The following WFS1 variants were observed in gnomAD, a reference collection of about 807,000 sequenced individuals.
WFS1 encodes wolframin ER transmembrane glycoprotein, also known as wolframin.
WFS1 carries 90 observed loss-of-function variants against 68.5 expected under a neutral mutation model. That is an observed-to-expected ratio of 1.31 (90% CI 1.11 to 1.56). The LOEUF is 1.56. Ranked by LOEUF, WFS1 falls within the 40% of genes most tolerant of loss-of-function variation. WFS1 has a pLI of 0.00. For missense variants in WFS1, 1,767 were observed against 1,232.6 expected (o/e 1.43, Z -6.49); for synonymous variants, 860 against 540.7 (o/e 1.59, Z -8.19).
chr4:6,270,303 G>A (rs937112178), intron 1 of WFS1, among the ~76,000 whole-genome samples: 6 of 151,576 alleles, frequency 4.0e-5, no homozygotes. Context: ...CGGGACAGCA[G>A]GCCCGAGAGG....
Position 6,302,264 on chromosome 4 carries a change from C to G in WFS1, c.2469C>G (p.Ile823Met), listed in dbSNP as rs1801215. The G allele has an allele frequency of 1.9e-6, 3 of 1,604,770 alleles. No homozygotes were observed. The highest frequency in any genetic ancestry group is 1.1e-5 in the South Asian group (1 of 90,800). The change falls in exon 8 of 8, where the codon ATC becomes ATG. Residue 823 changes from isoleucine (I) to methionine (M), a missense_variant. Physicochemically the swap from Ile to Met is conservative, Grantham distance 10. Transcript: ENST00000226760. ...TCAGCCTGCGCCAGGGCAGCCTCATCGAGTTCAGCACCATCCTGGAGGGCC... is the reference window on the plus strand; with the variant it reads ...TCAGCCTGCGCCAGGGCAGCCTCATGGAGTTCAGCACCATCCTGGAGGGCC... ...VLLSLRQGSL[I>M]EFSTILEGRL... is the part of the protein sequence containing the mutation.
chr4:6,301,475 C>G lies in WFS1; in HGVS notation c.1680C>G (p.Ser560=), dbSNP rs760906868. The G allele has an allele frequency of 3.1e-6, 5 of 1,613,016 alleles. No homozygotes were observed. The highest frequency in any genetic ancestry group is 4.2e-6 in the Non-Finnish European group (5 of 1,180,040). ...ESTGLGLLRA[S]IGYFLFLFAL... Reference sequence around the variant, plus strand: ...CCGGCCTGGGGCTGCTCCGCGCCTCCATCGGCTACTTCCTCTTCCTCTTTG... The same window carrying G: ...CCGGCCTGGGGCTGCTCCGCGCCTCGATCGGCTACTTCCTCTTCCTCTTTG... Residue 560 remains serine (S), a synonymous_variant, in exon 8 of 8, where the codon TCC becomes TCG. Coordinates refer to ENST00000226760, the MANE Select transcript of WFS1 (RefSeq NM_006005.3).
Position 6,291,378 on chromosome 4 carries a change from T to A in WFS1, c.631+11T>A. 6.2e-7 allele frequency: 1 copy of A among 1,611,378 alleles called. No individual in the cohort carries two copies. Among genetic ancestry groups the A allele is most frequent in the Non-Finnish European group, 8.5e-7 (1 of 1,179,918 alleles). On this transcript the variant is annotated intron_variant, in intron 5 of 7. Coordinates refer to ENST00000226760, the MANE Select transcript of WFS1 (RefSeq NM_006005.3). ...AGGTCAACGAGCACGGTGCGAGGATTCACCCTGGGCACCAGCCTTCCCTGG... is the reference window on the plus strand; with the variant it reads ...AGGTCAACGAGCACGGTGCGAGGATACACCCTGGGCACCAGCCTTCCCTGG...
chr4:6,279,641 G>C (rs1163599520), intron 2 of WFS1, among the ~76,000 whole-genome samples: 1 of 152,202 alleles, frequency 6.6e-6, no homozygotes, highest in Non-Finnish European at 1.5e-5. Context: ...CGGGAGCCCT[G>C]AGCAATATGG....
Position 6,287,871 on chromosome 4 carries a change from C to T in WFS1, c.315+696C>T, listed in dbSNP as rs914091208. Among the ~76,000 whole-genome samples the T allele has an allele frequency of 2.6e-5, 4 of 152,180 alleles. No individual in the cohort carries two copies. Among genetic ancestry groups the T allele is most frequent in the Non-Finnish European group, 5.9e-5 (4 of 68,038 alleles). ...GACCACAGTTATCCTGAGCAGTTTC[C>T]TGCCCCCTCTTCTCCCTAAAGAGGA... On this transcript the variant is annotated intron_variant, in intron 3 of 7. Transcript: ENST00000226760. The surrounding 1 kb of genome is among the most constrained non-coding windows in gnomAD (Gnocchi z 6.4).
chr4:6,288,128 A>T (rs898807064), intron 3 of WFS1, among the ~76,000 whole-genome samples: 1 of 152,018 alleles, frequency 6.6e-6, no homozygotes, highest in Non-Finnish European at 1.5e-5. Flanking sequence ...GAGACAGGAA[A>T]ATCACTTGAA....
chr4:6,296,506 G>A (rs1474862303), intron 7 of WFS1, among the ~76,000 whole-genome samples: 1 of 152,250 alleles, frequency 6.6e-6, no homozygotes, highest in African/African-American at 2.4e-5. Context: ...TTTACTGATG[G>A]TCTGCTCAGA....
intron 5 of WFS1, among the ~76,000 whole-genome samples, 191 bp downstream of exon 5, chr4:6,291,558 GC>G (rs1370625075): frequency 1.3e-5 from 2 of 152,174 alleles, no homozygotes; most frequent in Non-Finnish European, 2.9e-5. Context: ...TAGAGACCGT[GC>G]CCTAGTGGTG....
chr4:6,291,405 CGCCAGCCTTCCCACAGGA>C, intron 5 of WFS1, 38 bp downstream of exon 5: 1 of 1,605,732 alleles, frequency 6.2e-7, no homozygotes, highest in African/African-American at 1.3e-5. Context: ...CTTCCCTGGG[CGCCAGCCTTCCCACAGGA>C]GCCAGGACCT....
At chr4:6,289,921 T>G (rs1261161211) in intron 4 of WFS1, among the ~76,000 whole-genome samples, 1 of 152,226 alleles carries the variant, frequency 6.6e-6, no homozygotes, top group Non-Finnish European at 1.5e-5. Context: ...CCCCATATTT[T>G]GGTGTATTTC....
intron 1 of WFS1, among the ~76,000 whole-genome samples, chr4:6,274,093 C>G (rs1729915748): frequency 6.6e-6 from 1 of 150,448 alleles, no homozygotes; most frequent in Non-Finnish European, 1.5e-5. Context: ...GTCACCCAGG[C>G]TGGAGTGCAG....
At chr4:6,286,152 C>A (rs1010360165) in intron 2 of WFS1, among the ~76,000 whole-genome samples, 17 of 152,104 alleles carry the variant, frequency 1.1e-4, no homozygotes, top group Non-Finnish European at 1.8e-4. Flanking sequence ...AAATGGTGAG[C>A]TGACTGCAGC....
chr4:6,298,747 G>C (rs1001284612), intron 7 of WFS1, among the ~76,000 whole-genome samples: 1 of 152,212 alleles, frequency 6.6e-6, no homozygotes. Context: ...AGGTGTCCTG[G>C]TCCTCCAGAG....
intron 1 of WFS1, among the ~76,000 whole-genome samples, chr4:6,274,617 A>C (rs974598755): frequency 1.3e-5 from 2 of 152,086 alleles, no homozygotes; most frequent in Non-Finnish European, 2.9e-5. Context: ...GGGACTCGGG[A>C]CAGACATAGC....
At chr4:6,299,293 GGCT>G (rs1350582482) in intron 7 of WFS1, among the ~76,000 whole-genome samples, 1 of 152,204 alleles carries the variant, frequency 6.6e-6, no homozygotes, top group East Asian at 1.9e-4. Context: ...TGCTCCTCTT[GGCT>G]GTGGTGAAGG....
chr4:6,292,397 G>T (rs4629534), intron 6 of WFS1, among the ~76,000 whole-genome samples: 97,165 of 151,006 alleles, frequency 0.64, 31,692 homozygotes, highest in East Asian at 0.93. Context: ...AACAGCATGA[G>T]CAAAGGCCCA....
chr4:6,301,846 C>G lies in WFS1; in HGVS notation c.2051C>G (p.Ala684Gly), dbSNP rs387906930. The part of the protein sequence containing the change: ...GPRAWKETNM[A>G]RTQILCSHLE... ...CGCGCCTGGAAGGAGACCAACATGG[C>G]GCGCACCCAGATCCTCTGCAGCCAC... The change falls in exon 8 of 8, where the codon GCG becomes GGG. Residue 684 changes from alanine (A) to glycine (G), a missense_variant. By Grantham distance (60) the Ala-to-Gly change is moderately conservative (BLOSUM62 0). Transcript: ENST00000226760. The G allele has an allele frequency of 1.5e-5, 24 of 1,612,818 alleles. No homozygotes were observed. The highest frequency in any genetic ancestry group is 1.9e-5 in the Non-Finnish European group (23 of 1,179,952).
rs1448807734 is a variant in WFS1 at position 6,283,255 on chromosome 4, A to C, written c.233-3838A>C. Among the ~76,000 whole-genome samples the C allele has an allele frequency of 6.6e-6, 1 of 152,244 alleles. No homozygotes were observed. The highest frequency in any genetic ancestry group is 1.5e-5 in the Non-Finnish European group (1 of 68,048). ...TTCTCCATAGAACCTCACAGAGGGA[A>C]GGAGACCTGCCCATGGTATCCAGCT... On this transcript the variant is annotated intron_variant, in intron 2 of 7. Coordinates refer to ENST00000226760, the MANE Select transcript of WFS1 (RefSeq NM_006005.3). The surrounding 1 kb of genome is among the most constrained non-coding windows in gnomAD (Gnocchi z 5.0).
intron 1 of WFS1, among the ~76,000 whole-genome samples, chr4:6,272,150 T>C (rs1729861465): frequency 6.6e-6 from 1 of 152,212 alleles, no homozygotes; most frequent in African/African-American, 2.4e-5. Context: ...TTTGTGGGTG[T>C]CTGTTTAGGT....
Sources: allele counts gnomAD v4.1 joint callset (sites outside exome capture counted in the v4.1 genomes callset), GRCh38; gene constraint gnomAD v4.1.1; non-coding constraint Gnocchi (gnomAD v3.1); transcripts MANE v1.5; gene names NCBI Gene and HGNC (gene_info 2026-07-23, HGNC 2026-07-21).